CAMKMT: variants seen among roughly 807,000 people sequenced by gnomAD.
The protein encoded by CAMKMT is calmodulin-lysine N-methyltransferase.
In CAMKMT, 53 loss-of-function variants were observed where a neutral mutation model predicts 48.0. That is an observed-to-expected ratio of 1.10 (90% CI 0.89 to 1.39). The LOEUF (loss-of-function observed/expected upper bound fraction) is 1.39, where lower values mean the gene tolerates loss of function less well. Ranked by LOEUF, CAMKMT falls within the 40% of genes most tolerant of loss-of-function variation. The pLI is 0.00. For synonymous variants in CAMKMT, 165 were observed against 152.3 expected (o/e 1.08, Z -0.61); for missense variants, 428 against 402.7 (o/e 1.06, Z -0.54).
At chr2:44,496,600 C>T (rs553211718) in intron 3 of CAMKMT, among the ~76,000 whole-genome samples, 21 of 152,322 alleles carry the variant, frequency 1.4e-4, no homozygotes, top group African/African-American at 5.1e-4. Context: ...CCTTGCTTTT[C>T]ACTTCTGAAC....
At chr2:44,730,476 C>G (rs997007460) in intron 7 of CAMKMT, among the ~76,000 whole-genome samples, 1 of 152,226 alleles carries the variant, frequency 6.6e-6, no homozygotes, top group African/African-American at 2.4e-5. Flanking sequence ...AACATGTCCT[C>G]ATTGTACTGC....
chr2:44,381,776 A>G (rs537292107), intron 2 of CAMKMT, among the ~76,000 whole-genome samples: 2 of 152,318 alleles, frequency 1.3e-5, no homozygotes, highest in Admixed American at 6.5e-5. Context: ...ATATGTGAAC[A>G]TAGAATAAGA....
intron 10 of CAMKMT, among the ~76,000 whole-genome samples, chr2:44,768,361 A>ATATATATATATATATATATATTTTTTT (rs35058824): frequency 1.7e-5 from 2 of 115,744 alleles, no homozygotes; most frequent in African/African-American, 7.4e-5. Flanking sequence ...ATATATATAT[A>ATATATATATATATATATATATTTTTTT]TTTTTTTTTT....
At chr2:44,690,482 A>G (rs1676581719) in intron 3 of CAMKMT, among the ~76,000 whole-genome samples, 1 of 152,192 alleles carries the variant, frequency 6.6e-6, no homozygotes, top group East Asian at 1.9e-4. Flanking sequence ...CTAGAGTTAG[A>G]GTATGTGGGC....
intron 3 of CAMKMT, among the ~76,000 whole-genome samples, chr2:44,448,971 C>T (rs1469556250): frequency 2.0e-5 from 3 of 152,052 alleles, no homozygotes; most frequent in Admixed American, 6.6e-5. Context: ...GTAGTTGCCT[C>T]GTGCAGGAAA....
Position 44,472,963 on chromosome 2 carries a change from C to T in CAMKMT, c.376+82658C>T, listed in dbSNP as rs1233169689. Reference sequence around the variant, plus strand: ...TGATATGCAGCCAGCATTTCAGTTACCAGCGTGAGGAATAAACCGGGAGAG... The same window carrying T: ...TGATATGCAGCCAGCATTTCAGTTATCAGCGTGAGGAATAAACCGGGAGAG... On this transcript the variant is annotated intron_variant, in intron 3 of 10. Coordinates refer to ENST00000378494, the MANE Select transcript of CAMKMT (RefSeq NM_024766.5). 8.7e-4 allele frequency among the ~76,000 whole-genome samples: 132 copies of T among 152,240 alleles called. 1 individual carries two copies. Among genetic ancestry groups the T allele is most frequent in the Non-Finnish European group, 1.6e-4 (11 of 68,022 alleles).
chr2:44,667,339 G>A (rs1675052181), intron 3 of CAMKMT, among the ~76,000 whole-genome samples: 1 of 152,164 alleles, frequency 6.6e-6, no homozygotes, highest in Admixed American at 6.5e-5. Flanking sequence ...GCTCTCCCCT[G>A]AGGACCCTGC....
rs765180462 is a variant in CAMKMT, at chr2:44,743,622, C to T, written c.624C>T (p.Cys208=). 35 of 1,608,996 alleles carry T rather than the reference C, an allele frequency of 2.2e-5. No individual in the cohort carries two copies. Among genetic ancestry groups the T allele is most frequent in the Non-Finnish European group, 2.9e-5 (34 of 1,177,116 alleles). Residue 208 remains cysteine (C), a splice_region_variant and synonymous_variant, in exon 8 of 11, where the codon TGC becomes TGT. Coordinates refer to ENST00000378494, the MANE Select transcript of CAMKMT (RefSeq NM_024766.5). ...TTTTTAAAATCTTTTTCTCCTCAAGCGTTTTACGATGGGATAATGAGACAG... is the reference window on the plus strand; with the variant it reads ...TTTTTAAAATCTTTTTCTCCTCAAGTGTTTTACGATGGGATAATGAGACAG... ...GVFKTQKISS[C]VLRWDNETDV... is the part of the protein sequence containing the mutation.
rs779228702 is a variant in CAMKMT, at chr2:44,373,905, C to G, written c.311+1017C>G. On this transcript the variant is annotated intron_variant, in intron 2 of 10. Transcript: ENST00000378494. The stretch of plus-strand genomic sequence containing the variant: ...TCAGGAGGCCAAGGTGGGTGGATCA[C>G]TTGACCCTAGGAGTTCAAGACCAGC... Among the ~76,000 whole-genome samples, 6 of 151,934 alleles carry G rather than the reference C, an allele frequency of 3.9e-5. No homozygotes were observed. The South Asian group carries it at 1.2e-3, about 32-fold the overall frequency.
chr2:44,364,127 G>A (rs575248849), intron 1 of CAMKMT, among the ~76,000 whole-genome samples: 17 of 151,440 alleles, frequency 1.1e-4, no homozygotes, highest in Non-Finnish European at 1.9e-4. Context: ...GGAATTACAG[G>A]GGTATGCCAT....
chr2:44,737,958 C>A (rs749143382), intron 7 of CAMKMT, among the ~76,000 whole-genome samples: 1 of 151,374 alleles, frequency 6.6e-6, no homozygotes, highest in African/African-American at 2.4e-5. Flanking sequence ...CAGGTTCAAG[C>A]GATTCTCCTG....
rs527421843 is a variant in CAMKMT at position 44,455,164 on chromosome 2, AG to A, written c.376+64860del. On this transcript the variant is annotated intron_variant, in intron 3 of 10. Transcript: ENST00000378494. Reference sequence around the variant, plus strand: ...CACATACTGGGTTAACAAAATAATTAGTCGCATTTGGTTATTTGTGAGGAGG... The same window carrying A: ...CACATACTGGGTTAACAAAATAATTATCGCATTTGGTTATTTGTGAGGAGG... Among the ~76,000 whole-genome samples the A allele has an allele frequency of 2.5e-4, 38 of 152,300 alleles. No individual in the cohort carries two copies. In the South Asian group the frequency reaches 7.2e-3, roughly 29 times the overall value.
At chr2:44,536,932 T>C (rs529842189) in intron 3 of CAMKMT, among the ~76,000 whole-genome samples, 27 of 152,102 alleles carry the variant, frequency 1.8e-4, no homozygotes, top group Admixed American at 2.0e-4. Context: ...CCTCAATAAA[T>C]GGTACTGGGA....
chr2:44,634,187 CG>C (rs1263738231), intron 3 of CAMKMT, among the ~76,000 whole-genome samples: 1 of 152,034 alleles, frequency 6.6e-6, no homozygotes, highest in African/African-American at 2.4e-5. Context: ...GACTCTGCAT[CG>C]GTTTCTGAAA....
intron 1 of CAMKMT, among the ~76,000 whole-genome samples, chr2:44,371,440 T>C (rs1487420254): frequency 6.6e-6 from 1 of 152,238 alleles, no homozygotes; most frequent in Non-Finnish European, 1.5e-5. Flanking sequence ...TTATGTGTTC[T>C]TTTTCTGTTT....
At chr2:44,416,136 A>G (rs907269861) in intron 3 of CAMKMT, among the ~76,000 whole-genome samples, 2 of 152,238 alleles carry the variant, frequency 1.3e-5, no homozygotes, top group African/African-American at 2.4e-5. Context: ...GAAAAAAGCA[A>G]TAGGTACATA....
chr2:44,725,263 T>C (rs1678719767), intron 7 of CAMKMT, among the ~76,000 whole-genome samples: 1 of 152,076 alleles, frequency 6.6e-6, no homozygotes, highest in African/African-American at 2.4e-5. Context: ...TTCTAATGAA[T>C]AAAAGTTTTT....
At position 44,728,440 on chromosome 2, in the gene CAMKMT, A is replaced by C. The variant is rs903548331; in HGVS notation, c.623+13087A>C. Among the ~76,000 whole-genome samples, 6 of 152,292 alleles carry C rather than the reference A, an allele frequency of 3.9e-5. No homozygotes were observed. In the South Asian group the frequency reaches 6.2e-4, roughly 16 times the overall value. ...AGGCTGATGCTGGCTTCATAGAATGAGTTAGGGAGGAGCCCCTCCTCCTCA... is the reference window on the plus strand; with the variant it reads ...AGGCTGATGCTGGCTTCATAGAATGCGTTAGGGAGGAGCCCCTCCTCCTCA... On this transcript the variant is annotated intron_variant, in intron 7 of 10. Transcript: ENST00000378494.
chr2:44,601,399 T>C (rs1379303515), intron 3 of CAMKMT, among the ~76,000 whole-genome samples: 5 of 152,082 alleles, frequency 3.3e-5, no homozygotes, highest in African/African-American at 1.2e-4. Context: ...GAGGTTGCGG[T>C]GAGCCAAGAT....
Sources: gnomAD v4.1 joint callset for allele counts (sites outside exome capture counted in the v4.1 genomes callset) on GRCh38, gnomAD v4.1.1 for gene constraint, MANE v1.5 for transcripts, NCBI Gene and HGNC (gene_info 2026-07-23, HGNC 2026-07-21) for gene names.